Variants in INVS observed in about 807,000 individuals in gnomAD.
INVS encodes inversion of embryo turning homolog.
A neutral mutation model predicts 108.8 loss-of-function variants in INVS; 86 were observed. That is an observed-to-expected ratio of 0.79 (90% confidence interval 0.66 to 0.95). The LOEUF is 0.95. Among genes scored for constraint, INVS ranks in the 40% least tolerant of loss-of-function variants. INVS has a pLI of 0.00. For missense variants in INVS, 1,169 were observed against 1,297.4 expected (o/e 0.90, Z 1.52); for synonymous variants, 455 against 473.5 (o/e 0.96, Z 0.51).
intron 2 of INVS, among the ~76,000 whole-genome samples, chr9:100,121,681 T>A (rs1827729556): frequency 6.6e-6 from 1 of 152,054 alleles, no homozygotes; most frequent in East Asian, 1.9e-4. Flanking sequence ...CTCTATTTTT[T>A]TCTGATTTTA....
intron 3 of INVS, among the ~76,000 whole-genome samples, chr9:100,174,681 G>A (rs1829652085): frequency 6.6e-6 from 1 of 152,134 alleles, no homozygotes; most frequent in East Asian, 1.9e-4. Context: ...GGGAGGCTGA[G>A]GCAGGCAGAC....
chr9:100,249,932 C>T (rs1832173807), intron 8 of INVS, among the ~76,000 whole-genome samples: 1 of 151,822 alleles, frequency 6.6e-6, no homozygotes, highest in African/African-American at 2.4e-5. Flanking sequence ...TGGTGAAACC[C>T]CGTCTCTGCT....
chr9:100,142,239 G>A (rs1391706719), intron 3 of INVS, among the ~76,000 whole-genome samples: 1 of 152,170 alleles, frequency 6.6e-6, no homozygotes, highest in Non-Finnish European at 1.5e-5. Flanking sequence ...TGCACGATAT[G>A]AAAGGCATAT....
intron 10 of INVS, among the ~76,000 whole-genome samples, chr9:100,262,638 T>TAAA (rs58650063): frequency 3.3e-4 from 38 of 116,482 alleles, no homozygotes; most frequent in African/African-American, 1.1e-3. Flanking sequence ...CCTGGAGCAC[T>TAAA]AAAAAAAAAA....
intron 3 of INVS, among the ~76,000 whole-genome samples, chr9:100,212,166 A>C (rs933782336): frequency 6.6e-6 from 1 of 152,180 alleles, no homozygotes; most frequent in Non-Finnish European, 1.5e-5. Context: ...ACAGACATCT[A>C]AATCAACTGA....
At chr9:100,120,122 G>A (rs1827678113) in intron 2 of INVS, among the ~76,000 whole-genome samples, 1 of 152,148 alleles carries the variant, frequency 6.6e-6, no homozygotes, top group Non-Finnish European at 1.5e-5. Flanking sequence ...AAAACATATG[G>A]GAGCCCTGTG....
intron 2 of INVS, among the ~76,000 whole-genome samples, chr9:100,125,759 C>T (rs1361383509): frequency 7.0e-6 from 1 of 142,278 alleles, no homozygotes; most frequent in South Asian, 2.2e-4. Context: ...AATCTTAGTT[C>T]ACTACAACCT....
chr9:100,101,000 A>ATAATGCATAT (rs1491176587), intron 1 of INVS, among the ~76,000 whole-genome samples: 3 of 84,952 alleles, frequency 3.5e-5, no homozygotes, highest in African/African-American at 1.9e-4. Context: ...ATGTATATAT[A>ATAATGCATAT]ATATATATAT....
chr9:100,279,987 C>G (rs554329271), intron 12 of INVS, among the ~76,000 whole-genome samples: 6 of 152,298 alleles, frequency 3.9e-5, no homozygotes, highest in African/African-American at 1.4e-4. Context: ...ACAAATACAT[C>G]CACTCCTGAG....
intron 3 of INVS, among the ~76,000 whole-genome samples, chr9:100,210,276 A>G (rs950139865): frequency 6.6e-6 from 1 of 152,242 alleles, no homozygotes; most frequent in Non-Finnish European, 1.5e-5. Flanking sequence ...TCCAAGAGAC[A>G]TGATATACAC....
chr9:100,220,264 C>G (rs1311996560), intron 3 of INVS, among the ~76,000 whole-genome samples: 1 of 152,028 alleles, frequency 6.6e-6, no homozygotes, highest in Non-Finnish European at 1.5e-5. Context: ...ACTTTTAATT[C>G]TCTTTCACCC....
At chr9:100,221,075 G>A (rs1379692978) in intron 3 of INVS, among the ~76,000 whole-genome samples, 1 of 151,928 alleles carries the variant, frequency 6.6e-6, no homozygotes, top group Admixed American at 6.6e-5. Flanking sequence ...AAGAAATACC[G>A]AGGAAGTATT....
chr9:100,225,523 C>T (rs897732309), intron 3 of INVS, among the ~76,000 whole-genome samples: 2 of 152,156 alleles, frequency 1.3e-5, no homozygotes, highest in Non-Finnish European at 2.9e-5. Context: ...CTGCTTATTT[C>T]GCATTATTAC....
chr9:100,105,850 C>CTTTTTTTT (rs543070811), intron 2 of INVS, among the ~76,000 whole-genome samples: 31 of 63,832 alleles, frequency 4.9e-4, no homozygotes, highest in Admixed American at 5.1e-4. Context: ...GAAAAATTCC[C>CTTTTTTTT]TTTTTTTTTT....
chr9:100,191,921 C>A (rs1483343819), intron 3 of INVS, among the ~76,000 whole-genome samples: 1 of 152,058 alleles, frequency 6.6e-6, no homozygotes, highest in Non-Finnish European at 1.5e-5. Context: ...CCCAATTTGG[C>A]TCTTGATGAT....
chr9:100,202,482 A>G (rs1479505430), intron 3 of INVS, among the ~76,000 whole-genome samples: 1 of 152,200 alleles, frequency 6.6e-6, no homozygotes, highest in Non-Finnish European at 1.5e-5. Context: ...ACAGAAGAGA[A>G]TGATAGAGTT....
chr9:100,171,824 G>C (rs916056271), intron 3 of INVS, among the ~76,000 whole-genome samples: 1 of 152,014 alleles, frequency 6.6e-6, no homozygotes, highest in African/African-American at 2.4e-5. Context: ...TGTATATCAA[G>C]TATATCATTG....
intron 3 of INVS, among the ~76,000 whole-genome samples, chr9:100,167,939 A>G (rs1441960171): frequency 2.0e-5 from 3 of 152,152 alleles, no homozygotes; most frequent in Admixed American, 6.5e-5. Flanking sequence ...CTGTTTTGCT[A>G]TCTTTCTTTT....
chr9:100,211,887 A>G (rs1433990399), intron 3 of INVS, among the ~76,000 whole-genome samples: 2 of 152,190 alleles, frequency 1.3e-5, no homozygotes, highest in Non-Finnish European at 2.9e-5. Context: ...TAAAAAATAT[A>G]TTTTTAAAGA....
Sources: allele counts gnomAD v4.1 joint callset (sites outside exome capture counted in the v4.1 genomes callset), GRCh38; gene constraint gnomAD v4.1.1; transcripts MANE v1.5; gene names NCBI Gene and HGNC (gene_info 2026-07-23, HGNC 2026-07-21).